NOPCHAP1: variants seen among roughly 807,000 people sequenced by gnomAD.
NOPCHAP1 encodes the protein NOP protein chaperone 1.
NOPCHAP1 carries 13 observed loss-of-function variants against 14.0 expected under a neutral mutation model. That is an observed-to-expected ratio of 0.93 (90% confidence interval 0.60 to 1.47). The LOEUF (loss-of-function observed/expected upper bound fraction) is 1.47. Among genes scored for constraint, NOPCHAP1 ranks in the 40% most tolerant of loss-of-function variants. The probability of loss-of-function intolerance (pLI) is 0.00; values close to 1 mark genes in which losing one functional copy is unlikely to be tolerated. For missense variants in NOPCHAP1, 230 were observed against 226.9 expected, an observed-to-expected ratio of 1.01 and a Z score of -0.09; for synonymous variants, 78 against 78.4, an observed-to-expected ratio of 1.00 and a Z score of 0.03.
chr12:104,988,062 G>T, intron 1 of NOPCHAP1, 105 bp from the exon 2 acceptor site: 1 of 811,274 alleles, frequency 1.2e-6, no homozygotes, highest in South Asian at 2.0e-5. Context: ...TTGGGGGAGT[G>T]TGGACAGTCA....
chr12:104,995,290 T>C lies in NOPCHAP1; in HGVS notation c.*594T>C, dbSNP rs11112289. 0.073 allele frequency: 11,224 copies of C among 152,856 alleles called. 459 individuals carry two copies. The highest frequency in any genetic ancestry group is 0.092 in the Middle Eastern group (27 of 294). The allele number at this position is 152,856 out of a possible 1,614,324, so 9.5% of individuals were successfully genotyped here. On this transcript the variant is annotated 3_prime_UTR_variant, in exon 4 of 4. Coordinates refer to ENST00000552951, the MANE Select transcript of NOPCHAP1 (RefSeq NM_152318.3). ...CTGCAAACTAACCATTAGCTCCTCC[T>C]GCAAACATCATGTGTTCTGTTCCCT... is the stretch of plus-strand genomic sequence containing the variant.
chr12:104,989,958 T>C (rs1294303049), intron 2 of NOPCHAP1, among the ~76,000 whole-genome samples: 1 of 152,216 alleles, frequency 6.6e-6, no homozygotes, highest in African/African-American at 2.4e-5. Context: ...TACATCTTTT[T>C]TTCTTTCCTT....
rs1873917419 is a variant in NOPCHAP1 at position 105,015,095 on chromosome 12, T to G, written c.*20399T>G. 1 of 152,244 alleles carries G rather than the reference T, an allele frequency of 6.6e-6. No homozygotes were observed. The highest frequency in any genetic ancestry group is 1.9e-4 in the East Asian group (1 of 5,196). 9.4% of individuals were successfully genotyped at this position (152,244 alleles called of 1,614,324 possible). On this transcript the variant is annotated 3_prime_UTR_variant, in exon 4 of 4. Transcript: ENST00000552951. Reference sequence around the variant, plus strand: ...TAATTATCCAGGTCCTTTCTGATCTTTCTTATTGGAAATTGGAACCAGCTC... The same window carrying G: ...TAATTATCCAGGTCCTTTCTGATCTGTCTTATTGGAAATTGGAACCAGCTC...
intron 1 of NOPCHAP1, among the ~76,000 whole-genome samples, chr12:104,987,589 G>A (rs954568996): frequency 3.3e-5 from 5 of 152,138 alleles, no homozygotes; most frequent in African/African-American, 1.2e-4. Flanking sequence ...AGTTTTGTAC[G>A]TTCCCCTCTT....
rs1592752737 is a variant in NOPCHAP1, at chr12:105,010,317, T to A, written c.*15621T>A. The stretch of plus-strand genomic sequence containing the variant: ...GTTTGTATTTCTGTGGGATCAGTGA[T>A]GATATCCCCTTTATCATTTTTTATT... On this transcript the variant is annotated 3_prime_UTR_variant, in exon 4 of 4. Transcript: ENST00000552951. 1 of 152,222 alleles carries A rather than the reference T, an allele frequency of 6.6e-6. No individual in the cohort carries two copies. Among genetic ancestry groups the A allele is most frequent in the East Asian group, 1.9e-4 (1 of 5,208 alleles). The allele number at this position is 152,222 out of a possible 1,614,324, so 9.4% of individuals were successfully genotyped here. A position where few individuals can be genotyped will look rare whatever the true frequency, so the allele number is the denominator to read the frequency against.
rs1873597541 is a variant in NOPCHAP1, at chr12:105,000,996, C to T, written c.*6300C>T. 6.6e-6 allele frequency: 1 copy of T among 150,904 alleles called. No homozygotes were observed. Among genetic ancestry groups the T allele is most frequent in the Non-Finnish European group, 1.5e-5 (1 of 67,768 alleles). The allele number at this position is 150,904 out of a possible 1,614,324, so 9.3% of individuals were successfully genotyped here. ...GTTGCCCATAAGGCCAATGGTAATA[C>T]CTTTGGACGAGGCAATTCAATCAAT... On this transcript the variant is annotated 3_prime_UTR_variant, in exon 4 of 4. Coordinates refer to ENST00000552951, the MANE Select transcript of NOPCHAP1 (RefSeq NM_152318.3).
rs1406603657 is a variant in NOPCHAP1, at chr12:104,996,556, C to T, written c.*1860C>T. 1 of 152,258 alleles carries T rather than the reference C, an allele frequency of 6.6e-6. No homozygotes were observed. The highest frequency in any genetic ancestry group is 1.9e-4 in the East Asian group (1 of 5,184). The allele number at this position is 152,258 out of a possible 1,614,324, so 9.4% of individuals were successfully genotyped here. A position where few individuals can be genotyped will look rare whatever the true frequency, so the allele number is the denominator to read the frequency against. On this transcript the variant is annotated 3_prime_UTR_variant, in exon 4 of 4. Coordinates refer to ENST00000552951, the MANE Select transcript of NOPCHAP1 (RefSeq NM_152318.3). Reference sequence around the variant, plus strand: ...CTCAAGTGGGCCCTAATGTCTGGTTCCCTTCTTTGCATCCATGTGTACTCA... The same window carrying T: ...CTCAAGTGGGCCCTAATGTCTGGTTTCCTTCTTTGCATCCATGTGTACTCA...
intron 1 of NOPCHAP1, among the ~76,000 whole-genome samples, chr12:104,987,247 G>A (rs1369039766): frequency 6.6e-6 from 1 of 152,210 alleles, no homozygotes; most frequent in Non-Finnish European, 1.5e-5. Flanking sequence ...TACTATGTAT[G>A]CCCCAGAAAC....
At position 105,001,120 on chromosome 12, in the gene NOPCHAP1, C is replaced by T. The variant is rs370532923; in HGVS notation, c.*6424C>T. The T allele has an allele frequency of 1.1e-4, 17 of 151,944 alleles. No homozygotes were observed. Among genetic ancestry groups the T allele is most frequent in the East Asian group, 5.8e-4 (3 of 5,178 alleles). The allele number at this position is 151,944 out of a possible 1,614,324, so 9.4% of individuals were successfully genotyped here. On this transcript the variant is annotated 3_prime_UTR_variant, in exon 4 of 4. Transcript: ENST00000552951. ...GGGATGATGGTAATACCATTGTGTT[C>T]GATTAACTGTTTTAGCTGTTTTATA...
Position 105,016,328 on chromosome 12 carries a change from G to C in NOPCHAP1, c.*21632G>C, listed in dbSNP as rs1175740624. ...CAAATTGGCAGATGCAACAGTAGCT[G>C]GTACTTACTGAGCCCTTTCTGTGTT... On this transcript the variant is annotated 3_prime_UTR_variant, in exon 4 of 4. Coordinates refer to ENST00000552951, the MANE Select transcript of NOPCHAP1 (RefSeq NM_152318.3). 6.6e-6 allele frequency: 1 copy of C among 152,156 alleles called. No individual in the cohort carries two copies. Among genetic ancestry groups the C allele is most frequent in the African/African-American group, 2.4e-5 (1 of 41,438 alleles). The allele number at this position is 152,156 out of a possible 1,614,324, so 9.4% of individuals were successfully genotyped here.
In NOPCHAP1 at chr12:104,997,695, G is replaced by C. The variant is rs1046475905; in HGVS notation, c.*2999G>C. 1 of 152,132 alleles carries C rather than the reference G, an allele frequency of 6.6e-6. No homozygotes were observed. The highest frequency in any genetic ancestry group is 1.5e-5 in the Non-Finnish European group (1 of 68,020). 9.4% of individuals were successfully genotyped at this position (152,132 alleles called of 1,614,324 possible). On this transcript the variant is annotated 3_prime_UTR_variant, in exon 4 of 4. Coordinates refer to ENST00000552951, the MANE Select transcript of NOPCHAP1 (RefSeq NM_152318.3). ...CTGTATGTTTTAGGTTGGTCTGCTT[G>C]TGTAGTATTTCACAAGGGTTTTCCG...
At chr12:104,989,438 GTACTT>G (rs1158583078) in intron 2 of NOPCHAP1, among the ~76,000 whole-genome samples, 1 of 152,130 alleles carries the variant, frequency 6.6e-6, no homozygotes, top group Non-Finnish European at 1.5e-5. Flanking sequence ...GTTTTCTCCA[GTACTT>G]TAAAGACATC....
Position 104,991,805 on chromosome 12 carries a change from A to G in NOPCHAP1, c.296A>G (p.Asn99Ser), listed in dbSNP as rs2136026371. The change falls in exon 3 of 4, where the codon AAT becomes AGT. Residue 99 changes from asparagine (N) to serine (S), a missense_variant. Asn to Ser is a conservative substitution (Grantham distance 46). Transcript: ENST00000552951. ...GCAGCTGCACCACCTGGTCGTTTCA[A>G]TATTGAAAACATTGATGGGCCTCAT... ...EMAAAPPGRF[N>S]IENIDGPHSK... is the part of the protein sequence containing the mutation. 1.2e-6 allele frequency: 2 copies of G among 1,613,000 alleles called. No homozygotes were observed. Among genetic ancestry groups the G allele is most frequent in the South Asian group, 1.1e-5 (1 of 90,724 alleles).
At position 105,012,991 on chromosome 12, in the gene NOPCHAP1, C is replaced by T. The variant is rs547817394; in HGVS notation, c.*18295C>T. The T allele has an allele frequency of 5.3e-5, 8 of 151,674 alleles. No individual in the cohort carries two copies. The highest frequency in any genetic ancestry group is 3.3e-4 in the Admixed American group (5 of 15,276). The allele number at this position is 151,674 out of a possible 1,614,324, so 9.4% of individuals were successfully genotyped here. ...GGACCCACTTGAGGAGGCAGTCTGTCCCTTAGCAGAGCTTGAGCACTGTGC... is the reference window on the plus strand; with the variant it reads ...GGACCCACTTGAGGAGGCAGTCTGTTCCTTAGCAGAGCTTGAGCACTGTGC... On this transcript the variant is annotated 3_prime_UTR_variant, in exon 4 of 4. Coordinates refer to ENST00000552951, the MANE Select transcript of NOPCHAP1 (RefSeq NM_152318.3).
intron 2 of NOPCHAP1, among the ~76,000 whole-genome samples, chr12:104,991,334 A>G (rs1565938623): frequency 6.6e-6 from 1 of 152,234 alleles, no homozygotes; most frequent in Non-Finnish European, 1.5e-5. Flanking sequence ...AACTGGCCCA[A>G]GGTAATTCAG....
intron 2 of NOPCHAP1, among the ~76,000 whole-genome samples, chr12:104,990,990 A>G (rs1233494706): frequency 3.3e-5 from 5 of 152,106 alleles, no homozygotes; most frequent in Admixed American, 6.5e-5. Flanking sequence ...CCTAATCTAG[A>G]GCGTACTCTT....
At position 104,999,994 on chromosome 12, in the gene NOPCHAP1, C is replaced by T. The variant is rs1000565607; in HGVS notation, c.*5298C>T. ...AGTCTCTTGGTGGCAGATGTTCCTT[C>T]TGGCTGCATCTAGCTGATCATCTTG... On this transcript the variant is annotated 3_prime_UTR_variant, in exon 4 of 4. Coordinates refer to ENST00000552951, the MANE Select transcript of NOPCHAP1 (RefSeq NM_152318.3). The T allele has an allele frequency of 1.3e-5, 2 of 152,256 alleles. No individual in the cohort carries two copies. The highest frequency in any genetic ancestry group is 6.5e-5 in the Admixed American group (1 of 15,286). The allele number at this position is 152,256 out of a possible 1,614,324, so 9.4% of individuals were successfully genotyped here.
At position 104,996,576 on chromosome 12, in the gene NOPCHAP1, T is replaced by A. The variant is rs917735141; in HGVS notation, c.*1880T>A. 6.6e-6 allele frequency: 1 copy of A among 152,178 alleles called. No individual in the cohort carries two copies. The highest frequency in any genetic ancestry group is 6.6e-5 in the Admixed American group (1 of 15,266). 9.4% of individuals were successfully genotyped at this position (152,178 alleles called of 1,614,324 possible). On this transcript the variant is annotated 3_prime_UTR_variant, in exon 4 of 4. Transcript: ENST00000552951. The stretch of plus-strand genomic sequence containing the variant: ...TGGTTCCCTTCTTTGCATCCATGTG[T>A]ACTCAACGTTTAGCTCCCACTAATA...
At chr12:104,993,680 G>A (rs1181610670) in intron 3 of NOPCHAP1, among the ~76,000 whole-genome samples, 1 of 152,158 alleles carries the variant, frequency 6.6e-6, no homozygotes, top group African/African-American at 2.4e-5. Flanking sequence ...TTCGTGAATA[G>A]CAGTATTTTA....
Sources: gnomAD v4.1 joint callset for allele counts (sites outside exome capture counted in the v4.1 genomes callset) on GRCh38, gnomAD v4.1.1 for gene constraint, MANE v1.5 for transcripts, NCBI Gene and HGNC (gene_info 2026-07-23, HGNC 2026-07-21) for gene names.